RBFOX2: variants seen among roughly 807,000 people sequenced by gnomAD.
RBFOX2 encodes the protein RNA binding protein fox-1 homolog 2.
In RBFOX2, 10 loss-of-function variants were observed where a neutral mutation model predicts 49.1. The ratio of observed to expected loss-of-function variants is 0.20; its 90% CI spans 0.13 to 0.35. The LOEUF is 0.35. RBFOX2 is among the 10% of genes least tolerant of loss of function. The pLI, the probability that RBFOX2 is intolerant of heterozygous loss-of-function variation, is 1.00. For synonymous variants in RBFOX2, 183 were observed against 187.4 expected (o/e 0.98, Z 0.19); for missense variants, 323 against 486.9 (o/e 0.66, Z 3.17).
At chr22:35,785,533 A>G (rs963247478) in intron 2 of RBFOX2, among the ~76,000 whole-genome samples, 3 of 152,222 alleles carry the variant, frequency 2.0e-5, no homozygotes, top group Non-Finnish European at 4.4e-5. Context: ...GGCTAAAAGA[A>G]GCTGTGAATC....
intron 6 of RBFOX2, among the ~76,000 whole-genome samples, chr22:35,763,410 A>T (rs1456508636): frequency 4.6e-5 from 7 of 151,980 alleles, no homozygotes; most frequent in Admixed American, 6.6e-5. Context: ...AAAAATACAA[A>T]AATTAGCCGG....
chr22:35,925,016 T>G (rs1227419252), intron 1 of RBFOX2, among the ~76,000 whole-genome samples: 1 of 151,466 alleles, frequency 6.6e-6, no homozygotes, highest in African/African-American at 2.4e-5. Flanking sequence ...CCATCTCTAC[T>G]AAAATAAATA....
intron 2 of RBFOX2, among the ~76,000 whole-genome samples, chr22:35,798,852 C>T (rs375701768): frequency 6.6e-6 from 1 of 152,052 alleles, no homozygotes. Flanking sequence ...CAATAACATG[C>T]TATGTCTCCT....
At chr22:35,897,927 A>T in intron 1 of RBFOX2, 1 of 746,538 alleles carries the variant, frequency 1.3e-6, no homozygotes, top group Non-Finnish European at 2.4e-6. Flanking sequence ...TTCCAACTTC[A>T]GCTTCCTTGG....
exon 12 of RBFOX2, chr22:35,742,986 G>A (rs1304620892): frequency 6.6e-6 from 1 of 152,670 alleles, no homozygotes; most frequent in Admixed American, 6.5e-5. Context: ...AAAGGCTCTG[G>A]AAGATGAAAA....
intron 1 of RBFOX2, among the ~76,000 whole-genome samples, chr22:35,975,632 A>C (rs750184590): frequency 6.6e-6 from 1 of 152,162 alleles, no homozygotes; most frequent in African/African-American, 2.4e-5. Flanking sequence ...AGTATTTTCA[A>C]AGCTAATTGT....
At chr22:35,930,285 T>C (rs1405878341) in intron 1 of RBFOX2, among the ~76,000 whole-genome samples, 1 of 151,824 alleles carries the variant, frequency 6.6e-6, no homozygotes, top group East Asian at 1.9e-4. Context: ...TCTCCCAAAG[T>C]GCTGGGATTA....
chr22:36,026,541 T>TACAGACACAC (rs5845246), intron 1 of RBFOX2, among the ~76,000 whole-genome samples: 4 of 136,646 alleles, frequency 2.9e-5, no homozygotes, highest in African/African-American at 1.2e-4. Context: ...AATGAATACA[T>TACAGACACAC]ACACACACAC....
At chr22:35,763,290 C>T (rs921170334) in intron 6 of RBFOX2, among the ~76,000 whole-genome samples, 4 of 152,076 alleles carry the variant, frequency 2.6e-5, no homozygotes, top group South Asian at 2.1e-4. Context: ...GGGCAGGCAC[C>T]GTAGCTCAAG....
At chr22:35,808,433 G>A (rs1434814399) in intron 2 of RBFOX2, among the ~76,000 whole-genome samples, 2 of 152,168 alleles carry the variant, frequency 1.3e-5, no homozygotes, top group Non-Finnish European at 2.9e-5. Context: ...TCCTTAGCAA[G>A]TGGCTTAAAG....
intron 1 of RBFOX2, among the ~76,000 whole-genome samples, chr22:35,913,157 A>C (rs1306169070): frequency 6.6e-6 from 1 of 152,080 alleles, no homozygotes; most frequent in Non-Finnish European, 1.5e-5. Context: ...CACCTTTAAA[A>C]AGCTATTTTC....
intron 2 of RBFOX2, among the ~76,000 whole-genome samples, chr22:35,796,287 T>C (rs909796958): frequency 1.4e-4 from 21 of 152,194 alleles, no homozygotes; most frequent in African/African-American, 4.3e-4. Flanking sequence ...AGCTGATAAA[T>C]TTTTAAAGTA....
chr22:35,851,851 C>A (rs1403820249), intron 1 of RBFOX2, among the ~76,000 whole-genome samples: 1 of 151,568 alleles, frequency 6.6e-6, no homozygotes, highest in East Asian at 1.9e-4. Flanking sequence ...AAAAAAGTTG[C>A]TCTTAATACA....
intron 1 of RBFOX2, among the ~76,000 whole-genome samples, chr22:35,956,334 GT>G (rs2055554935): frequency 6.6e-6 from 1 of 151,540 alleles, no homozygotes; most frequent in African/African-American, 2.4e-5. Context: ...ACAAATATCA[GT>G]TTTCCTTAAA....
exon 12 of RBFOX2, chr22:35,743,035 T>A (rs1239720194): frequency 1.3e-5 from 2 of 152,706 alleles, no homozygotes; most frequent in Non-Finnish European, 2.9e-5. Flanking sequence ...TGCCTCTGCC[T>A]GCCCTTCCAT....
chr22:35,975,952 C>T (rs957183038), intron 1 of RBFOX2, among the ~76,000 whole-genome samples: 9 of 152,112 alleles, frequency 5.9e-5, no homozygotes, highest in African/African-American at 2.2e-4. Flanking sequence ...AAACATATGC[C>T]ATTAGAATTC....
At chr22:35,810,329 GAGC>G (rs1223570583) in intron 1 of RBFOX2, among the ~76,000 whole-genome samples, 1 of 151,950 alleles carries the variant, frequency 6.6e-6, no homozygotes, top group Non-Finnish European at 1.5e-5. Flanking sequence ...AGTAGGTGGA[GAGC>G]CCACTTTGGA....
At chr22:35,746,490 T>C (rs775157709) in exon 10 of RBFOX2, 51 of 1,604,428 alleles carry the variant, frequency 3.2e-5, no homozygotes, top group Non-Finnish European at 4.0e-5. Context: ...TGTAAGCGGC[T>C]GCAGCGGCTG....
chr22:35,938,415 A>G (rs989532888), intron 1 of RBFOX2, among the ~76,000 whole-genome samples: 3 of 152,186 alleles, frequency 2.0e-5, no homozygotes, highest in Non-Finnish European at 4.4e-5. Context: ...GATTAAAACC[A>G]TAAGGCTGAA....
Sources: gnomAD v4.1 joint callset for allele counts (sites outside exome capture counted in the v4.1 genomes callset) on GRCh38, gnomAD v4.1.1 for gene constraint, MANE v1.5 for transcripts, NCBI Gene and HGNC (gene_info 2026-07-23, HGNC 2026-07-21) for gene names.